The following SCN8A variants were observed in gnomAD, a reference collection of about 807,000 sequenced individuals.
The protein encoded by SCN8A is sodium voltage-gated channel alpha subunit 8.
Under a neutral mutation model 184.1 loss-of-function variants are expected in SCN8A, and 30 were observed. The observed-to-expected ratio is 0.16, with a 90% CI of 0.12 to 0.22. The LOEUF is 0.22. Ranked by LOEUF, SCN8A falls within the 10% of genes least tolerant of loss-of-function variation. The pLI is 1.00. For missense variants in SCN8A, 1,057 were observed against 2,498.9 expected, an observed-to-expected ratio of 0.42 and a Z score of 12.30; for synonymous variants, 852 against 907.0, an observed-to-expected ratio of 0.94 and a Z score of 1.09.
At chr12:51,617,753 A>G (rs142225896) in intron 1 of SCN8A, among the ~76,000 whole-genome samples, 277 of 152,306 alleles carry the variant, frequency 1.8e-3, no homozygotes, top group African/African-American at 6.4e-3. Context: ...TTAGCAGGCA[A>G]TCCAGTTAGA....
chr12:51,593,897 A>G (rs1440175335), intron 1 of SCN8A, among the ~76,000 whole-genome samples: 1 of 152,216 alleles, frequency 6.6e-6, no homozygotes, highest in Non-Finnish European at 1.5e-5. Context: ...GCATTATTTC[A>G]GCACACTTCA....
chr12:51,645,040 C>T (rs1451073256), intron 1 of SCN8A, among the ~76,000 whole-genome samples: 2 of 151,516 alleles, frequency 1.3e-5, no homozygotes, highest in Non-Finnish European at 1.5e-5. Context: ...GGGGGTCAGC[C>T]CCCCACCCGG....
At chr12:51,692,457 C>T (rs1250416528) in intron 6 of SCN8A, among the ~76,000 whole-genome samples, 1 of 152,176 alleles carries the variant, frequency 6.6e-6, no homozygotes, top group Non-Finnish European at 1.5e-5. Flanking sequence ...CCAAACCCAC[C>T]TTCTGACCCT....
In SCN8A at chr12:51,687,301, G is replaced by A. The variant is rs570366775; in HGVS notation, c.614+82G>A. ...TACTCCTGGGTCTGTTTGTAGGTGT[G>A]CATTTGTGGACACAGCTGTATGAGG... On this transcript the variant is annotated intron_variant, in intron 5 of 26. Transcript: ENST00000627620. 4.8e-4 allele frequency: 720 copies of A among 1,489,056 alleles called. 10 individuals are homozygous for A. In the South Asian group the frequency reaches 8.1e-3, roughly 17 times the overall value. The allele number at this position is 1,489,056 out of a possible 1,614,324, so 92.2% of individuals were successfully genotyped here.
At chr12:51,740,060 C>T (rs911378546) in intron 12 of SCN8A, among the ~76,000 whole-genome samples, 20 of 152,368 alleles carry the variant, frequency 1.3e-4, no homozygotes, top group East Asian at 1.9e-4. Context: ...AGGCACAGAT[C>T]GCTCATGCTA....
rs1436473877 is a variant in SCN8A at position 51,811,547 on chromosome 12, G to T, written c.*4118G>T. 2 of 152,348 alleles carry T rather than the reference G, an allele frequency of 1.3e-5. No homozygotes were observed. The highest frequency in any genetic ancestry group is 4.8e-5 in the African/African-American group (2 of 41,456). 9.4% of individuals were successfully genotyped at this position (152,348 alleles called of 1,614,324 possible). A position where few individuals can be genotyped will look rare whatever the true frequency, so the allele number is the denominator to read the frequency against. ...GCCTCCACTCTGCAAGCTCATACTGGGCCCTGCCCTCCATCGCCCCAGACA... is the reference window on the plus strand; with the variant it reads ...GCCTCCACTCTGCAAGCTCATACTGTGCCCTGCCCTCCATCGCCCCAGACA... On this transcript the variant is annotated 3_prime_UTR_variant, in exon 27 of 27. Transcript: ENST00000627620.
intron 14 of SCN8A, among the ~76,000 whole-genome samples, chr12:51,755,981 C>G (rs1325250573): frequency 1.3e-5 from 2 of 151,960 alleles, no homozygotes; most frequent in Non-Finnish European, 2.9e-5. Flanking sequence ...GCCGTGTCCT[C>G]CATGTGGACA....
chr12:51,651,273 G>T (rs184093669), intron 1 of SCN8A, among the ~76,000 whole-genome samples: 2 of 152,150 alleles, frequency 1.3e-5, no homozygotes, highest in African/African-American at 2.4e-5. Context: ...AACAGATCTC[G>T]GCCTGCTGCA....
chr12:51,800,599 A>G (rs1938530475), intron 26 of SCN8A, among the ~76,000 whole-genome samples: 2 of 152,334 alleles, frequency 1.3e-5, no homozygotes, highest in African/African-American at 4.8e-5. Flanking sequence ...GTTGCTAAGT[A>G]TGTCTGTGTC....
At chr12:51,796,873 G>T (rs1309953144) in intron 26 of SCN8A, among the ~76,000 whole-genome samples, 1 of 152,222 alleles carries the variant, frequency 6.6e-6, no homozygotes, top group Non-Finnish European at 1.5e-5. Context: ...AAGGCCAGAA[G>T]ACTCAGCAAG....
chr12:51,779,005 C>T (rs1277425736), intron 20 of SCN8A, among the ~76,000 whole-genome samples: 1 of 152,024 alleles, frequency 6.6e-6, no homozygotes, highest in Non-Finnish European at 1.5e-5. Flanking sequence ...CACCTGAGGT[C>T]AGGAGTTTGA....
intron 12 of SCN8A, 21 bp from the exon 13 acceptor site, chr12:51,745,882 T>C (rs370050004): frequency 1.1e-4 from 173 of 1,551,630 alleles, no homozygotes; most frequent in Middle Eastern, 1.7e-4. Context: ...TCTATTTGCT[T>C]TTCTTTTTTT....
At chr12:51,656,776 A>G (rs1940828885) in intron 1 of SCN8A, among the ~76,000 whole-genome samples, 1 of 152,106 alleles carries the variant, frequency 6.6e-6, no homozygotes, top group African/African-American at 2.4e-5. Context: ...AGTGCAAATC[A>G]AAACCACAGT....
chr12:51,723,732 G>A (rs1942112345), intron 12 of SCN8A, among the ~76,000 whole-genome samples: 1 of 151,964 alleles, frequency 6.6e-6, no homozygotes, highest in African/African-American at 2.4e-5. Context: ...CAAAAGATTA[G>A]CCGGATGTGG....
At chr12:51,676,497 A>T (rs1369324359) in intron 2 of SCN8A, among the ~76,000 whole-genome samples, 1 of 152,202 alleles carries the variant, frequency 6.6e-6, no homozygotes, top group African/African-American at 2.4e-5. Flanking sequence ...TGCTTGCTAT[A>T]TTGGCTGTAT....
intron 12 of SCN8A, among the ~76,000 whole-genome samples, chr12:51,732,987 A>G (rs974955458): frequency 3.9e-5 from 6 of 152,206 alleles, no homozygotes; most frequent in African/African-American, 1.4e-4. Flanking sequence ...GTATAAAATC[A>G]TATCACCTGT....
chr12:51,594,764 ATC>A (rs1376251908), intron 1 of SCN8A, among the ~76,000 whole-genome samples: 2 of 152,222 alleles, frequency 1.3e-5, no homozygotes. Context: ...CAAAACAATT[ATC>A]TGTGTTTTAT....
chr12:51,797,959 G>A lies in SCN8A; in HGVS notation c.4795+3318G>A, dbSNP rs189502787. Among the ~76,000 whole-genome samples the A allele has an allele frequency of 1.5e-4, 23 of 152,250 alleles. No homozygotes were observed. The South Asian group carries it at 3.3e-3, about 22-fold the overall frequency. ...ACAGGAGGCAAAAATTTTGCTAGCC[G>A]GTCACTAGGGGTGATGGGGAGTGGT... is the stretch of plus-strand genomic sequence containing the variant. On this transcript the variant is annotated intron_variant, in intron 26 of 26. Transcript: ENST00000627620.
chr12:51,663,069 T>C lies in SCN8A; in HGVS notation c.252T>C (p.Phe84=), dbSNP rs1940957313. The C allele has an allele frequency of 6.2e-7, 1 of 1,613,874 alleles. No homozygotes were observed. The highest frequency in any genetic ancestry group is 1.7e-5 in the Admixed American group (1 of 60,002). ...QGLVAVPLED[F]DPYYLTQKTF... is the part of the protein sequence containing the mutation. ...TGGTTGCAGTTCCCCTGGAGGACTT[T>C]GACCCATACTATTTGACGCAGAAAG... is the stretch of plus-strand genomic sequence containing the variant. Residue 84 remains phenylalanine, a synonymous_variant, in exon 2 of 27, where the codon TTT becomes TTC. Coordinates refer to ENST00000627620, the MANE Select transcript of SCN8A (RefSeq NM_001330260.2).
Sources: gnomAD v4.1 joint callset for allele counts (sites outside exome capture counted in the v4.1 genomes callset) on GRCh38, gnomAD v4.1.1 for gene constraint, MANE v1.5 for transcripts, NCBI Gene and HGNC (gene_info 2026-07-23, HGNC 2026-07-21) for gene names.